The following USP24 variants were observed in gnomAD, a reference collection of about 807,000 sequenced individuals.
The protein encoded by USP24 is ubiquitin specific peptidase 24, also known as ubiquitin carboxyl-terminal hydrolase 24.
Under a neutral mutation model 361.6 loss-of-function variants are expected in USP24, and 97 were observed. The ratio of observed to expected loss-of-function variants is 0.27; its 90% confidence interval spans 0.23 to 0.32. The LOEUF is 0.32. USP24 is among the 10% of genes least tolerant of loss of function. USP24 has a pLI of 1.00. For synonymous variants in USP24, 1,098 were observed against 1,124.6 expected (o/e 0.98, Z 0.47); for missense variants, 2,353 against 3,165.6 (o/e 0.74, Z 6.16).
chr1:55,171,982 A>G (rs1312486510), intron 4 of USP24, among the ~76,000 whole-genome samples: 1 of 152,184 alleles, frequency 6.6e-6, no homozygotes, highest in Non-Finnish European at 1.5e-5. Context: ...GATGAGGAAC[A>G]GAGGCACTGA....
chr1:55,109,486 C>T (rs1171645747), intron 39 of USP24, among the ~76,000 whole-genome samples: 3 of 152,126 alleles, frequency 2.0e-5, no homozygotes, highest in Non-Finnish European at 4.4e-5. Flanking sequence ...AACAACTAAC[C>T]ATACGCTGCT....
rs1338659039 is a variant in USP24, at chr1:55,196,995, C to T, written c.324+17795G>A. Among the ~76,000 whole-genome samples, 3 of 152,352 alleles carry T rather than the reference C, an allele frequency of 2.0e-5. 1 individual carries two copies. The highest frequency in any genetic ancestry group is 6.8e-3 in the Middle Eastern group (2 of 294). Reference sequence around the variant, plus strand: ...TGTATTTTATTGAAACAAAGACCTGCTTATTTCCTTACATATAGCATATAG... The same window carrying T: ...TGTATTTTATTGAAACAAAGACCTGTTTATTTCCTTACATATAGCATATAG... On this transcript the variant is annotated intron_variant, in intron 1 of 67. Coordinates refer to ENST00000294383, the MANE Select transcript of USP24 (RefSeq NM_015306.3).
intron 1 of USP24, among the ~76,000 whole-genome samples, chr1:55,190,118 T>C (rs977560234): frequency 7.0e-6 from 1 of 142,176 alleles, no homozygotes; most frequent in Non-Finnish European, 1.5e-5. Flanking sequence ...TGAGCCAAGA[T>C]TGCACCACTG....
intron 1 of USP24, among the ~76,000 whole-genome samples, chr1:55,196,561 G>GT (rs760120476): frequency 3.2e-4 from 49 of 152,200 alleles, no homozygotes; most frequent in Non-Finnish European, 6.3e-4. Context: ...CAGTTTAATG[G>GT]TTTAAGTGCT....
At chr1:55,116,862 C>A (rs943340792) in intron 38 of USP24, among the ~76,000 whole-genome samples, 2 of 152,196 alleles carry the variant, frequency 1.3e-5, no homozygotes, top group African/African-American at 2.4e-5. Context: ...ACCAGTATTA[C>A]CCTGATACAA....
chr1:55,210,120 C>T (rs968996701), intron 1 of USP24, among the ~76,000 whole-genome samples: 6 of 152,142 alleles, frequency 3.9e-5, no homozygotes, highest in South Asian at 2.1e-4. Context: ...CACAGACACA[C>T]GAAAGGTACT....
chr1:55,071,227 T>C (rs1227073403), intron 67 of USP24: 2 of 987,406 alleles, frequency 2.0e-6, no homozygotes, highest in Non-Finnish European at 2.4e-6. Flanking sequence ...TAAGGAAAGT[T>C]ACAGACTATT....
intron 61 of USP24, among the ~76,000 whole-genome samples, chr1:55,077,844 G>C (rs1056058449): frequency 1.3e-5 from 2 of 152,186 alleles, no homozygotes; most frequent in African/African-American, 4.8e-5. Context: ...CAAGAGGCCA[G>C]GTACAGTACT....
At chr1:55,194,603 A>G (rs12405035) in intron 1 of USP24, among the ~76,000 whole-genome samples, 2 of 151,048 alleles carry the variant, frequency 1.3e-5, no homozygotes, top group Admixed American at 1.3e-4. Context: ...CCCTGTCTCA[A>G]AAAAAAAAGA....
intron 55 of USP24, among the ~76,000 whole-genome samples, chr1:55,088,881 C>G (rs1219216642): frequency 6.6e-6 from 1 of 151,816 alleles, no homozygotes; most frequent in Non-Finnish European, 1.5e-5. Flanking sequence ...TTTCAGGTAC[C>G]TAGGTAGATG....
At chr1:55,158,856 T>C (rs779313416) in intron 10 of USP24, 22 bp downstream of exon 10, 2 of 1,473,372 alleles carry the variant, frequency 1.4e-6, no homozygotes, top group Admixed American at 2.2e-5. Context: ...TTAAGTCTTG[T>C]AGAAACAAAT....
intron 46 of USP24, 68 bp downstream of exon 46, chr1:55,098,408 A>G (rs1645546007): frequency 1.4e-6 from 2 of 1,400,466 alleles, no homozygotes; most frequent in African/African-American, 1.4e-5. Flanking sequence ...TGCAAAATTT[A>G]CAACATACTA....
At chr1:55,080,925 T>C (rs778111023) in intron 59 of USP24, among the ~76,000 whole-genome samples, 8 of 152,212 alleles carry the variant, frequency 5.3e-5, no homozygotes, top group South Asian at 2.1e-4. Flanking sequence ...TGGGGAATTA[T>C]GTTTTGAGTA....
At chr1:55,143,925 G>A (rs1287668493) in intron 21 of USP24, among the ~76,000 whole-genome samples, 2 of 152,140 alleles carry the variant, frequency 1.3e-5, no homozygotes, top group Non-Finnish European at 2.9e-5. Flanking sequence ...GCAGGTAGCT[G>A]GTGAGGCATG....
chr1:55,113,316 C>A (rs957538426), intron 38 of USP24, among the ~76,000 whole-genome samples: 1 of 152,148 alleles, frequency 6.6e-6, no homozygotes, highest in Non-Finnish European at 1.5e-5. Flanking sequence ...CACACACCCT[C>A]CCAAGACTAA....
At chr1:55,150,111 C>G (rs956894417) in intron 16 of USP24, among the ~76,000 whole-genome samples, 3 of 152,102 alleles carry the variant, frequency 2.0e-5, no homozygotes, top group African/African-American at 7.2e-5. Flanking sequence ...TGAAAAAAAG[C>G]AAGTTGAGTT....
At chr1:55,147,154 T>C (rs1647050087) in intron 18 of USP24, 94 bp from the exon 19 acceptor site, 7 of 1,226,082 alleles carry the variant, frequency 5.7e-6, no homozygotes, top group Non-Finnish European at 7.7e-6. Flanking sequence ...TTAACAACAG[T>C]TTTACTTAAT....
chr1:55,197,455 G>C (rs931935277), intron 1 of USP24, among the ~76,000 whole-genome samples: 2 of 152,214 alleles, frequency 1.3e-5, no homozygotes, highest in African/African-American at 2.4e-5. Flanking sequence ...CTTGGTGAAT[G>C]AATGAGTGAA....
chr1:55,114,747 G>A (rs554624271), intron 38 of USP24, among the ~76,000 whole-genome samples: 1 of 152,138 alleles, frequency 6.6e-6, no homozygotes, highest in East Asian at 1.9e-4. Flanking sequence ...ATTAACTCAA[G>A]ATGGATTAAA....
Sources: allele counts gnomAD v4.1 joint callset (sites outside exome capture counted in the v4.1 genomes callset), GRCh38; gene constraint gnomAD v4.1.1; transcripts MANE v1.5; gene names NCBI Gene and HGNC (gene_info 2026-07-23, HGNC 2026-07-21).